The following RHOQ variants were observed in gnomAD, a reference collection of about 807,000 sequenced individuals.
RHOQ encodes the protein rho-related GTP-binding protein RhoQ.
Under a neutral mutation model 25.8 loss-of-function variants are expected in RHOQ, and 7 were observed. That is an observed-to-expected ratio of 0.27 (90% CI 0.15 to 0.51). The LOEUF is 0.51. RHOQ is among the 20% of genes least tolerant of loss of function. The pLI, the probability that RHOQ is intolerant of heterozygous loss-of-function variation, is 0.97. For synonymous variants in RHOQ, 97 were observed against 98.6 expected (o/e 0.98, Z 0.10); for missense variants, 165 against 260.6 (o/e 0.63, Z 2.53).
At chr2:46,554,783 TTC>T (rs1199700428) in intron 2 of RHOQ, among the ~76,000 whole-genome samples, 1 of 148,852 alleles carries the variant, frequency 6.7e-6, no homozygotes, top group African/African-American at 2.6e-5. Context: ...ATTTTTTTCT[TTC>T]TTTCTTTTTT....
intron 2 of RHOQ, among the ~76,000 whole-genome samples, chr2:46,558,101 G>A (rs1288369480): frequency 6.6e-6 from 1 of 152,174 alleles, no homozygotes; most frequent in Non-Finnish European, 1.5e-5. Context: ...CATGCAGCAA[G>A]TCATATCAAG....
Position 46,569,683 on chromosome 2 carries a change from C to G in RHOQ, c.202-6404C>G, listed in dbSNP as rs979356097. 5 of 152,132 alleles carry G rather than the reference C, an allele frequency of 3.3e-5. No individual in the cohort carries two copies. The highest frequency in any genetic ancestry group is 7.3e-5 in the Non-Finnish European group (5 of 68,036). The allele number at this position is 152,132 out of a possible 1,614,324, so 9.4% of individuals were successfully genotyped here. The stretch of plus-strand genomic sequence containing the variant: ...ATTGGTATATTAATTAGGAGGCTGA[C>G]TTATTATAAATCAAAACATATGAAG... On this transcript the variant is annotated intron_variant, in intron 2 of 4. Coordinates refer to ENST00000238738, the MANE Select transcript of RHOQ (RefSeq NM_012249.4). This position sits in a 1 kb window ranked among gnomAD's most constrained non-coding sequence, Gnocchi z 4.1.
chr2:46,578,639 C>T (rs973646188), intron 4 of RHOQ, among the ~76,000 whole-genome samples: 6 of 146,200 alleles, frequency 4.1e-5, no homozygotes, highest in African/African-American at 1.5e-4. Flanking sequence ...ACCTGTAGTC[C>T]CAGCTACTTG....
intron 2 of RHOQ, among the ~76,000 whole-genome samples, chr2:46,546,405 A>C (rs1034871870): frequency 4.9e-5 from 7 of 143,930 alleles, no homozygotes; most frequent in African/African-American, 1.8e-4. Context: ...TAAATAAAAA[A>C]CATTAAGGGT....
chr2:46,575,467 G>GAAAGC (rs1669085386), intron 2 of RHOQ, among the ~76,000 whole-genome samples: 2 of 146,898 alleles, frequency 1.4e-5, no homozygotes, highest in African/African-American at 5.0e-5. Flanking sequence ...TAGAAACAAG[G>GAAAGC]AAAGCAAAGC....
chr2:46,547,524 C>G (rs1668109929), intron 2 of RHOQ, among the ~76,000 whole-genome samples: 1 of 152,252 alleles, frequency 6.6e-6, no homozygotes, highest in Non-Finnish European at 1.5e-5. Context: ...ACACTCAGAG[C>G]ACCACTGCCA....
Position 46,543,019 on chromosome 2 carries a change from C to T in RHOQ, c.-28C>T, listed in dbSNP as rs1196694725. On this transcript the variant is annotated 5_prime_UTR_variant, in exon 1 of 5. Coordinates refer to ENST00000238738, the MANE Select transcript of RHOQ (RefSeq NM_012249.4). ...GGCCGGGGCGGGGGCTCCGGGGGGA[C>T]CATGCCCGGAGGCCGGCCGGCAGCA... 6.5e-7 allele frequency: 1 copy of T among 1,541,642 alleles called. No homozygotes were observed. Among genetic ancestry groups the T allele is most frequent in the Non-Finnish European group, 8.7e-7 (1 of 1,145,664 alleles).
chr2:46,558,877 G>A (rs967965970), intron 2 of RHOQ, among the ~76,000 whole-genome samples: 1 of 152,086 alleles, frequency 6.6e-6, no homozygotes, highest in Non-Finnish European at 1.5e-5. Flanking sequence ...TTTTTGAAAT[G>A]TGATTCTATT....
intron 2 of RHOQ, among the ~76,000 whole-genome samples, chr2:46,560,928 G>C (rs1162403915): frequency 1.3e-5 from 2 of 151,284 alleles, no homozygotes; most frequent in African/African-American, 4.9e-5. Context: ...ATTACAAATT[G>C]ATTTTCATTA....
At chr2:46,560,731 G>A in intron 2 of RHOQ, 1 of 428,170 alleles carries the variant, frequency 2.3e-6, no homozygotes, top group Non-Finnish European at 4.8e-6. Flanking sequence ...TTTCTACTTT[G>A]CTAGACTTTG....
intron 2 of RHOQ, among the ~76,000 whole-genome samples, chr2:46,553,841 T>G (rs1487389316): frequency 6.6e-6 from 1 of 152,160 alleles, no homozygotes; most frequent in Non-Finnish European, 1.5e-5. Flanking sequence ...CCTCCCAAAG[T>G]GCTGGGATTA....
chr2:46,567,804 C>T (rs1668781251), intron 2 of RHOQ, among the ~76,000 whole-genome samples: 1 of 152,096 alleles, frequency 6.6e-6, no homozygotes, highest in African/African-American at 2.4e-5. Flanking sequence ...TGCCTATAAT[C>T]CCAACATTTT....
intron 2 of RHOQ, chr2:46,572,867 C>A (rs1245825235): frequency 2.6e-6 from 1 of 387,586 alleles, no homozygotes. Context: ...ATTCTGCACA[C>A]CTCCACTTAT....
intron 2 of RHOQ, among the ~76,000 whole-genome samples, chr2:46,551,049 G>C (rs1393167514): frequency 6.6e-6 from 1 of 152,168 alleles, no homozygotes; most frequent in East Asian, 1.9e-4. Context: ...TGCCAGTGTG[G>C]ACCCCCACAC....
At chr2:46,545,034 C>T (rs1379426927) in intron 2 of RHOQ, among the ~76,000 whole-genome samples, 1 of 152,146 alleles carries the variant, frequency 6.6e-6, no homozygotes, top group Admixed American at 6.5e-5. Flanking sequence ...TTGATGTGAC[C>T]TCTGGTTTCT....
intron 2 of RHOQ, among the ~76,000 whole-genome samples, chr2:46,564,455 G>A (rs1668666418): frequency 1.3e-5 from 2 of 152,196 alleles, no homozygotes; most frequent in African/African-American, 4.8e-5. Flanking sequence ...GGCCTGTTCT[G>A]TGCAAGCATG....
chr2:46,548,938 T>C lies in RHOQ; in HGVS notation c.201+5126T>C, dbSNP rs1388195286. On this transcript the variant is annotated intron_variant, in intron 2 of 4. Coordinates refer to ENST00000238738, the MANE Select transcript of RHOQ (RefSeq NM_012249.4). This position sits in a 1 kb window ranked among gnomAD's most constrained non-coding sequence, Gnocchi z 5.2. ...GTCTGAATGCCCTGTGTTCCCCTCC[T>C]TGGGACTCTGATGTGGGTTTGGGTT... Among the ~76,000 whole-genome samples the C allele has an allele frequency of 6.6e-6, 1 of 152,166 alleles. No homozygotes were observed. The highest frequency in any genetic ancestry group is 2.4e-5 in the African/African-American group (1 of 41,426).
intron 2 of RHOQ, among the ~76,000 whole-genome samples, chr2:46,554,848 A>G (rs530760252): frequency 1.3e-5 from 2 of 148,302 alleles, no homozygotes; most frequent in African/African-American, 2.5e-5. Context: ...TTCAAATGGC[A>G]TAATGGTTGG....
At position 46,543,180 on chromosome 2, in the gene RHOQ, A is replaced by G; in HGVS notation, c.134A>G (p.His45Arg). 3.1e-6 allele frequency: 5 copies of G among 1,611,900 alleles called. No individual in the cohort carries two copies. The highest frequency in any genetic ancestry group is 3.4e-6 in the Non-Finnish European group (4 of 1,179,340). ...GAGTACGTGCCCACCGTCTTCGACC[A>G]CTACGCAGGTAAGCCTCGGAACTGC... The part of the protein sequence containing the change: ...PEEYVPTVFD[H>R]YAVSVTVGGK... The change falls in exon 1 of 5, where the codon CAC (histidine) becomes CGC (arginine). Residue 45 changes from histidine (H) to arginine (R), a missense_variant. By Grantham distance (29) the His-to-Arg change is conservative. Coordinates refer to ENST00000238738, the MANE Select transcript of RHOQ (RefSeq NM_012249.4).
Sources: gnomAD v4.1 joint callset for allele counts (sites outside exome capture counted in the v4.1 genomes callset) on GRCh38, gnomAD v4.1.1 for gene constraint, Gnocchi (gnomAD v3.1) non-coding constraint, MANE v1.5 for transcripts, NCBI Gene and HGNC (gene_info 2026-07-23, HGNC 2026-07-21) for gene names.